The following PTPRT variants were observed in gnomAD, a reference collection of about 807,000 sequenced individuals.
PTPRT encodes protein tyrosine phosphatase receptor type T, also known as receptor-type tyrosine-protein phosphatase T.
PTPRT carries 56 observed loss-of-function variants against 176.8 expected under a neutral mutation model. That is an observed-to-expected ratio of 0.32 (90% CI 0.26 to 0.40). The LOEUF is 0.40. Among genes scored for constraint, PTPRT ranks in the 10% least tolerant of loss-of-function variants. The pLI, the probability that PTPRT is intolerant of heterozygous loss-of-function variation, is 1.00. For synonymous variants in PTPRT, 783 were observed against 739.0 expected (o/e 1.06, Z -0.96); for missense variants, 1,540 against 1,908.2 (o/e 0.81, Z 3.60).
At chr20:42,182,124 G>A (rs1990550164) in intron 16 of PTPRT, among the ~76,000 whole-genome samples, 1 of 152,156 alleles carries the variant, frequency 6.6e-6, no homozygotes, top group African/African-American at 2.4e-5. Flanking sequence ...AGTATATTGA[G>A]CAAGACAGAG....
At chr20:42,574,088 C>G (rs545836178) in intron 7 of PTPRT, among the ~76,000 whole-genome samples, 10 of 152,140 alleles carry the variant, frequency 6.6e-5, no homozygotes, top group Non-Finnish European at 1.2e-4. Context: ...GCAGTTTGGG[C>G]TCCCAAGTTG....
At chr20:43,073,974 G>T (rs900375366) in intron 1 of PTPRT, among the ~76,000 whole-genome samples, 1 of 152,016 alleles carries the variant, frequency 6.6e-6, no homozygotes, top group Admixed American at 6.5e-5. Context: ...GGCTGGTCTC[G>T]AACTCCTGGG....
chr20:43,063,234 T>C (rs1360777878), intron 1 of PTPRT: 1 of 152,228 alleles, frequency 6.6e-6, no homozygotes, highest in African/African-American at 2.4e-5. Flanking sequence ...GCAAACATGT[T>C]AGTCAACCCA....
intron 1 of PTPRT, among the ~76,000 whole-genome samples, chr20:42,901,928 C>A (rs1360024690): frequency 6.6e-6 from 1 of 152,200 alleles, no homozygotes; most frequent in Non-Finnish European, 1.5e-5. Context: ...TCTACGGCTG[C>A]TTCCCAGCTA....
intron 1 of PTPRT, among the ~76,000 whole-genome samples, chr20:42,988,519 T>C (rs115317385): frequency 5.6e-4 from 86 of 152,250 alleles, no homozygotes; most frequent in African/African-American, 2.1e-3. Context: ...CCATCCCCCA[T>C]GTGCTGCAAG....
intron 7 of PTPRT, among the ~76,000 whole-genome samples, chr20:42,532,236 A>C: frequency 6.6e-6 from 1 of 152,132 alleles, no homozygotes; most frequent in African/African-American, 2.4e-5. Context: ...TTTGAGCCTC[A>C]GCTTCCATCT....
At chr20:42,838,572 G>C (rs996156542) in intron 2 of PTPRT, among the ~76,000 whole-genome samples, 2 of 152,204 alleles carry the variant, frequency 1.3e-5, no homozygotes, top group Admixed American at 1.3e-4. Flanking sequence ...CCATGACCTT[G>C]CTCTGTGATC....
intron 6 of PTPRT, among the ~76,000 whole-genome samples, chr20:42,724,767 C>T (rs781718505): frequency 4.6e-5 from 7 of 152,190 alleles, no homozygotes; most frequent in Admixed American, 6.5e-5. Context: ...CATTACGCTC[C>T]AGCCTAGCAT....
At chr20:42,199,416 C>A in intron 15 of PTPRT, 28 bp from the exon 16 acceptor site, 1 of 1,609,036 alleles carries the variant, frequency 6.2e-7, no homozygotes. Context: ...GGGGAAAAAA[C>A]CACAGTCAGA....
At chr20:43,133,032 G>A (rs1342751364) in intron 1 of PTPRT, among the ~76,000 whole-genome samples, 1 of 128,544 alleles carries the variant, frequency 7.8e-6, no homozygotes, top group Non-Finnish European at 1.6e-5. Context: ...AAACTGGGCA[G>A]AAAGAGATAG....
intron 30 of PTPRT, 89 bp from the exon 31 acceptor site, chr20:42,081,021 A>G (rs1339820610): frequency 3.5e-6 from 4 of 1,145,758 alleles, no homozygotes; most frequent in Non-Finnish European, 5.1e-6. Flanking sequence ...TAGTTTAGAG[A>G]TACAGATTTT....
chr20:42,469,831 A>G (rs1473753487), intron 8 of PTPRT, among the ~76,000 whole-genome samples: 2 of 152,128 alleles, frequency 1.3e-5, no homozygotes, highest in African/African-American at 4.8e-5. Context: ...AGGATGGGAC[A>G]TGGTGGAAGT....
At chr20:42,284,569 T>C (rs752809473) in intron 12 of PTPRT, among the ~76,000 whole-genome samples, 1 of 152,114 alleles carries the variant, frequency 6.6e-6, no homozygotes, top group Non-Finnish European at 1.5e-5. Flanking sequence ...TCTTCCACGT[T>C]GATATTCATC....
intron 9 of PTPRT, among the ~76,000 whole-genome samples, chr20:42,409,431 G>A (rs1470986503): frequency 1.4e-5 from 2 of 142,314 alleles, no homozygotes; most frequent in Non-Finnish European, 3.0e-5. Context: ...GCAGTGAGCC[G>A]AGATCGTGCC....
intron 9 of PTPRT, among the ~76,000 whole-genome samples, chr20:42,373,659 G>A (rs749359696): frequency 2.0e-5 from 3 of 152,178 alleles, no homozygotes; most frequent in Middle Eastern, 3.2e-3. Flanking sequence ...CGTCTCATTC[G>A]CAATGACTTG....
chr20:42,928,541 A>G (rs956062411), intron 1 of PTPRT, among the ~76,000 whole-genome samples: 5 of 152,132 alleles, frequency 3.3e-5, no homozygotes, highest in African/African-American at 7.2e-5. Flanking sequence ...ATGCAGAGGG[A>G]GAATATCAGG....
chr20:42,949,921 C>T (rs1456427308), intron 1 of PTPRT, among the ~76,000 whole-genome samples: 2 of 152,188 alleles, frequency 1.3e-5, no homozygotes, highest in Non-Finnish European at 2.9e-5. Flanking sequence ...GGGCTTGGCA[C>T]AGTGGCTGGT....
At chr20:42,696,459 T>TTTA (rs1600625859) in intron 6 of PTPRT, among the ~76,000 whole-genome samples, 1 of 133,356 alleles carries the variant, frequency 7.5e-6, no homozygotes, top group African/African-American at 3.2e-5. Flanking sequence ...ACATGAATTA[T>TTTA]TTTTTTTTTT....
At chr20:42,534,567 C>T (rs1156270015) in intron 7 of PTPRT, among the ~76,000 whole-genome samples, 1 of 152,076 alleles carries the variant, frequency 6.6e-6, no homozygotes. Flanking sequence ...ACCCGGGAGG[C>T]AGAGCTTGCA....
Sources: allele counts gnomAD v4.1 joint callset (sites outside exome capture counted in the v4.1 genomes callset), GRCh38; gene constraint gnomAD v4.1.1; transcripts MANE v1.5; gene names NCBI Gene and HGNC (gene_info 2026-07-23, HGNC 2026-07-21).